Variants in PLEKHG4B observed in about 807,000 individuals in gnomAD.
PLEKHG4B encodes the protein pleckstrin homology domain-containing family G member 4B.
In PLEKHG4B, 111 loss-of-function variants were observed where a neutral mutation model predicts 121.3. That is an observed-to-expected ratio of 0.92 (90% CI 0.78 to 1.07). The LOEUF is 1.07. Among genes scored for constraint, PLEKHG4B ranks in the 50% least tolerant of loss-of-function variants. PLEKHG4B has a pLI of 0.00. For missense variants in PLEKHG4B, 1,831 were observed against 1,757.8 expected, an observed-to-expected ratio of 1.04 and a Z score of -0.74; for synonymous variants, 738 against 725.0, an observed-to-expected ratio of 1.02 and a Z score of -0.29.
At chr5:161,429 G>A (rs540141640) in intron 11 of PLEKHG4B, among the ~76,000 whole-genome samples, 51 of 152,338 alleles carry the variant, frequency 3.3e-4, no homozygotes, top group South Asian at 1.7e-3. Flanking sequence ...CTCATCAGTC[G>A]TGTTCATTCA....
At chr5:154,851 C>T in intron 7 of PLEKHG4B, 24 bp from the exon 8 acceptor site, 1 of 1,583,224 alleles carries the variant, frequency 6.3e-7, no homozygotes, top group Non-Finnish European at 8.7e-7. Flanking sequence ...GGAGCCATGA[C>T]CAACGAGTGC....
chr5:111,161 C>T (rs1734146818), intron 1 of PLEKHG4B, among the ~76,000 whole-genome samples: 1 of 152,274 alleles, frequency 6.6e-6, no homozygotes, highest in African/African-American at 2.4e-5. Flanking sequence ...GGAGACAGCA[C>T]ACACTCCGCC....
chr5:105,977 A>G (rs986540179), intron 1 of PLEKHG4B, among the ~76,000 whole-genome samples: 12 of 152,220 alleles, frequency 7.9e-5, no homozygotes, highest in African/African-American at 2.7e-4. Flanking sequence ...ATTGGACGCA[A>G]TGGTAGAAAA....
At chr5:150,209 C>T (rs1735560767) in intron 6 of PLEKHG4B, among the ~76,000 whole-genome samples, 1 of 152,142 alleles carries the variant, frequency 6.6e-6, no homozygotes, top group Non-Finnish European at 1.5e-5. Flanking sequence ...CTGACATATG[C>T]CACAGCATGT....
rs895039135 is a variant in PLEKHG4B, at chr5:113,628, G to A, written c.243+180G>A. ...ACAAGGCTGCATGTCCCAGCAACAA[G>A]GGTTTCTCAGGCTTCCCAGGAGTGT... On this transcript the variant is annotated intron_variant, in intron 2 of 19. Coordinates refer to ENST00000637938, the MANE Select transcript of PLEKHG4B (RefSeq NM_052909.5). The surrounding 1 kb of genome is among the most constrained non-coding windows in gnomAD (Gnocchi z 5.2). Among the ~76,000 whole-genome samples the A allele has an allele frequency of 6.6e-6, 1 of 152,212 alleles. No individual in the cohort carries two copies. Among genetic ancestry groups the A allele is most frequent in the Non-Finnish European group, 1.5e-5 (1 of 68,042 alleles).
intron 19 of PLEKHG4B, 97 bp from the exon 20 acceptor site, chr5:181,907 C>G (rs1733404053): frequency 1.4e-6 from 2 of 1,412,464 alleles, no homozygotes; most frequent in South Asian, 2.5e-5. Flanking sequence ...AGTGGCAAAG[C>G]CTGGTCGGCC....
Position 157,222 on chromosome 5 carries a change from C to G in PLEKHG4B, c.2487+311C>G. On this transcript the variant is annotated intron_variant, in intron 11 of 19. Coordinates refer to ENST00000637938, the MANE Select transcript of PLEKHG4B (RefSeq NM_052909.5). The surrounding 1 kb of genome is among the most constrained non-coding windows in gnomAD (Gnocchi z 4.6). ...AATAGCTGGGTGTATCTTCCGGACGCTTTCTCCATGTGCATGCGTACACAG... is the reference window on the plus strand; with the variant it reads ...AATAGCTGGGTGTATCTTCCGGACGGTTTCTCCATGTGCATGCGTACACAG... 1 of 395,314 alleles carries G rather than the reference C, an allele frequency of 2.5e-6. No individual in the cohort carries two copies. The highest frequency in any genetic ancestry group is 4.8e-6 in the Non-Finnish European group (1 of 207,470). The allele number at this position is 395,314 out of a possible 1,614,324, so 24.5% of individuals were successfully genotyped here.
chr5:110,190 C>T (rs116064169), intron 1 of PLEKHG4B, among the ~76,000 whole-genome samples: 1,740 of 145,900 alleles, frequency 0.012, 42 homozygotes, highest in African/African-American at 0.041. Flanking sequence ...CACTCTGCAA[C>T]GCACATGCAC....
rs138470672 is a variant in PLEKHG4B, at chr5:153,801, C to A, written c.1993-1074C>A. ...CCCCAGGCTTAGGTGATCCTCCCAC[C>A]TCAGCCTCCTCAGTAGCTGGATCTA... is the stretch of plus-strand genomic sequence containing the variant. On this transcript the variant is annotated intron_variant, in intron 7 of 19. Coordinates refer to ENST00000637938, the MANE Select transcript of PLEKHG4B (RefSeq NM_052909.5). 6.7e-3 allele frequency among the ~76,000 whole-genome samples: 1,021 copies of A among 152,180 alleles called. 5 individuals are homozygous for A. The highest frequency in any genetic ancestry group is 0.02 in the African/African-American group (811 of 41,532).
intron 2 of PLEKHG4B, among the ~76,000 whole-genome samples, chr5:122,893 T>C (rs1304600632): frequency 1.3e-5 from 2 of 152,198 alleles, no homozygotes; most frequent in Non-Finnish European, 2.9e-5. Flanking sequence ...GCTCAATTTA[T>C]CAACACAGTA....
At position 189,578 on chromosome 5, in the gene PLEKHG4B, C is replaced by G. The variant is rs1468167449; in HGVS notation, c.*7255C>G. ...GCATTTCCTGTAAGGAGCCCAGAGC[C>G]GTGGCCCCAGGTTGGGACGGCGGCG... On this transcript the variant is annotated 3_prime_UTR_variant, in exon 20 of 20. Transcript: ENST00000637938. 1 of 152,332 alleles carries G rather than the reference C, an allele frequency of 6.6e-6. No individual in the cohort carries two copies. The highest frequency in any genetic ancestry group is 1.5e-5 in the Non-Finnish European group (1 of 68,116). The allele number at this position is 152,332 out of a possible 1,614,324, so 9.4% of individuals were successfully genotyped here.
intron 14 of PLEKHG4B, among the ~76,000 whole-genome samples, chr5:169,887 T>G (rs77356810): frequency 0.022 from 3,306 of 152,290 alleles, 121 homozygotes; most frequent in African/African-American, 0.075. Flanking sequence ...GCCCTTCTCC[T>G]TTACCACTTC....
At chr5:172,298 C>T (rs894638364) in intron 16 of PLEKHG4B, among the ~76,000 whole-genome samples, 1 of 152,206 alleles carries the variant, frequency 6.6e-6, no homozygotes, top group Non-Finnish European at 1.5e-5. Flanking sequence ...CTCTGCCAAC[C>T]GTGCCCGTCA....
chr5:144,359 C>G (rs1169983467), intron 5 of PLEKHG4B, among the ~76,000 whole-genome samples: 1 of 152,160 alleles, frequency 6.6e-6, no homozygotes, highest in African/African-American at 2.4e-5. Flanking sequence ...AAAAGATGTT[C>G]TAACAGTCTT....
chr5:171,349 G>A lies in PLEKHG4B; in HGVS notation c.3955G>A (p.Glu1319Lys). 5 of 1,612,216 alleles carry A rather than the reference G, an allele frequency of 3.1e-6. No individual in the cohort carries two copies. The highest frequency in any genetic ancestry group is 4.2e-6 in the Non-Finnish European group (5 of 1,179,784). ...EASCGLAQGQ[E>K]LGELRAAEVV... ...CAGCTGTGGCCTGGCCCAGGGGCAG[G>A]AGCTGGGCGAGCTCCGAGCCGCCGA... is the stretch of plus-strand genomic sequence containing the variant. The change falls in exon 16 of 20, where the codon GAG becomes AAG. Residue 1319 changes from glutamate to lysine, a missense_variant. Coordinates refer to ENST00000637938, the MANE Select transcript of PLEKHG4B (RefSeq NM_052909.5).
chr5:135,677 AAAAAAATATATATATAT>A (rs1469131948), intron 2 of PLEKHG4B, among the ~76,000 whole-genome samples: 29 of 72,506 alleles, frequency 4.0e-4, no homozygotes, highest in Admixed American at 7.9e-4. Flanking sequence ...AAAAAAAAAA[AAAAAAATATATATATAT>A]ATATATATAT....
In PLEKHG4B at chr5:171,433, C is replaced by A; in HGVS notation, c.4039C>A (p.Arg1347Ser). The A allele has an allele frequency of 6.3e-7, 1 of 1,595,820 alleles. No individual in the cohort carries two copies. Among genetic ancestry groups the A allele is most frequent in the Non-Finnish European group, 8.5e-7 (1 of 1,174,134 alleles). ...GNDLLAMDAI[R>S]GCDVNLKEQG... ...TGACCTGCTGGCCATGGACGCCATC[C>A]GCGGCTGTGACGTAAGTGCCTCAGA... The change falls in exon 16 of 20, where the codon CGC (arginine) becomes AGC (serine). Residue 1347 changes from arginine to serine, a missense_variant. Arg to Ser is a moderately radical substitution (Grantham distance 110, BLOSUM62 -1). Transcript: ENST00000637938.
chr5:144,499 G>A (rs1735337473), intron 5 of PLEKHG4B, among the ~76,000 whole-genome samples: 1 of 152,194 alleles, frequency 6.6e-6, no homozygotes, highest in Admixed American at 6.5e-5. Context: ...AGGGCAAGAA[G>A]GCCCTGAAGT....
chr5:100,430 C>CAT (rs1457818984), intron 1 of PLEKHG4B, among the ~76,000 whole-genome samples: 2 of 135,580 alleles, frequency 1.5e-5, no homozygotes, highest in Non-Finnish European at 1.6e-5. Context: ...GAGGTAAATC[C>CAT]ATATAAAGCC....
Sources: allele counts gnomAD v4.1 joint callset (sites outside exome capture counted in the v4.1 genomes callset), GRCh38; gene constraint gnomAD v4.1.1; non-coding constraint Gnocchi (gnomAD v3.1); transcripts MANE v1.5; gene names NCBI Gene and HGNC (gene_info 2026-07-23, HGNC 2026-07-21).